Variants in ITGB8 observed in about 807,000 individuals in gnomAD.
ITGB8 encodes the protein integrin subunit beta 8.
Under a neutral mutation model 89.5 loss-of-function variants are expected in ITGB8, and 30 were observed. That is an observed-to-expected ratio of 0.34 (90% CI 0.25 to 0.45). The LOEUF (loss-of-function observed/expected upper bound fraction) is 0.45. Among genes scored for constraint, ITGB8 ranks in the 20% least tolerant of loss-of-function variants. The pLI, the probability that ITGB8 is intolerant of heterozygous loss-of-function variation, is 1.00. For synonymous variants in ITGB8, 335 were observed against 320.4 expected (o/e 1.05, Z -0.49); for missense variants, 836 against 933.3 (o/e 0.90, Z 1.36).
chr7:20,341,963 C>T (rs1583468000), intron 1 of ITGB8, among the ~76,000 whole-genome samples: 1 of 151,856 alleles, frequency 6.6e-6, no homozygotes, highest in East Asian at 1.9e-4. Flanking sequence ...TCAGCCAGAA[C>T]GATCATTGGA....
At chr7:20,391,882 T>C (rs1055687583) in intron 7 of ITGB8, among the ~76,000 whole-genome samples, 2 of 152,208 alleles carry the variant, frequency 1.3e-5, no homozygotes, top group African/African-American at 4.8e-5. Flanking sequence ...CATATCCTCA[T>C]AATAGGTTAA....
intron 1 of ITGB8, among the ~76,000 whole-genome samples, chr7:20,359,166 C>T (rs1430398741): frequency 6.6e-6 from 1 of 152,028 alleles, no homozygotes; most frequent in African/African-American, 2.4e-5. Flanking sequence ...AGCACTAAGG[C>T]AGTACATTTT....
At position 20,331,785 on chromosome 7, in the gene ITGB8, G is replaced by A. The variant is rs377161299; in HGVS notation, c.-22G>A. 1.9e-5 allele frequency: 31 copies of A among 1,604,158 alleles called. No individual in the cohort carries two copies. Among genetic ancestry groups the A allele is most frequent in the Non-Finnish European group, 2.6e-5 (30 of 1,175,658 alleles). ...TCCGGAAGGCAGTCAGGCGGCGGGCGCGGGGCGGGCTGTTTTGCATTATGT... is the reference window on the plus strand; with the variant it reads ...TCCGGAAGGCAGTCAGGCGGCGGGCACGGGGCGGGCTGTTTTGCATTATGT... On this transcript the variant is annotated 5_prime_UTR_variant, in exon 1 of 14. Coordinates refer to ENST00000222573, the MANE Select transcript of ITGB8 (RefSeq NM_002214.3).
chr7:20,372,710 T>C (rs1164612495), intron 3 of ITGB8, among the ~76,000 whole-genome samples: 1 of 152,152 alleles, frequency 6.6e-6, no homozygotes, highest in African/African-American at 2.4e-5. Context: ...TGGAGCTTGA[T>C]TTTATTAAAT....
intron 3 of ITGB8, among the ~76,000 whole-genome samples, chr7:20,378,655 A>T (rs1012460062): frequency 6.6e-6 from 1 of 152,084 alleles, no homozygotes; most frequent in African/African-American, 2.4e-5. Flanking sequence ...CCACACGTAC[A>T]TCCCCCTCAC....
At chr7:20,338,154 T>C (rs542944729) in intron 1 of ITGB8, among the ~76,000 whole-genome samples, 1 of 152,324 alleles carries the variant, frequency 6.6e-6, no homozygotes, top group African/African-American at 2.4e-5. Context: ...AATTCAGACC[T>C]AGCCTTCCAG....
At chr7:20,355,708 T>G (rs1785270165) in intron 1 of ITGB8, among the ~76,000 whole-genome samples, 1 of 152,200 alleles carries the variant, frequency 6.6e-6, no homozygotes, top group Admixed American at 6.5e-5. Flanking sequence ...TTGCTACAAG[T>G]TTGAAACAAA....
At chr7:20,359,618 T>C (rs1027102198) in intron 1 of ITGB8, among the ~76,000 whole-genome samples, 3 of 152,162 alleles carry the variant, frequency 2.0e-5, no homozygotes, top group African/African-American at 7.2e-5. Flanking sequence ...TAGAGATTTT[T>C]ACTTTCACAG....
At chr7:20,399,037 G>T in intron 9 of ITGB8, 43 bp downstream of exon 9, 1 of 1,581,644 alleles carries the variant, frequency 6.3e-7, no homozygotes, top group Non-Finnish European at 8.6e-7. Flanking sequence ...AAACTAAGTT[G>T]TTTGGCGTAC....
At chr7:20,359,416 T>C (rs1426248884) in intron 1 of ITGB8, among the ~76,000 whole-genome samples, 1 of 152,190 alleles carries the variant, frequency 6.6e-6, no homozygotes, top group Non-Finnish European at 1.5e-5. Flanking sequence ...AATCATAAAG[T>C]GGGAAAACCC....
At chr7:20,408,827 A>G (rs1179240372) in intron 12 of ITGB8, among the ~76,000 whole-genome samples, 1 of 152,114 alleles carries the variant, frequency 6.6e-6, no homozygotes, top group African/African-American at 2.4e-5. Flanking sequence ...GAGATCCAGC[A>G]TGCCCCTCCT....
rs74487765 is a variant in ITGB8 at position 20,375,526 on chromosome 7, A to C, written c.389-3525A>C. ...GATGGTAACAAAGTACATGAACAAA[A>C]AAACAACTGAAGCATCACCAGAATT... On this transcript the variant is annotated intron_variant, in intron 3 of 13. Coordinates refer to ENST00000222573, the MANE Select transcript of ITGB8 (RefSeq NM_002214.3). Among the ~76,000 whole-genome samples, 1,327 of 152,348 alleles carry C rather than the reference A, an allele frequency of 8.7e-3. 9 individuals are homozygous for C. The highest frequency in any genetic ancestry group is 0.013 in the Non-Finnish European group (884 of 68,040).
intron 1 of ITGB8, among the ~76,000 whole-genome samples, chr7:20,351,883 CTT>C (rs35467832): frequency 2.6e-4 from 40 of 151,748 alleles, no homozygotes; most frequent in African/African-American, 8.9e-4. Context: ...AATAACAGTG[CTT>C]TTTTTTTTAA....
At chr7:20,343,972 C>T (rs1784843010) in intron 1 of ITGB8, among the ~76,000 whole-genome samples, 1 of 152,176 alleles carries the variant, frequency 6.6e-6, no homozygotes, top group Admixed American at 6.5e-5. Flanking sequence ...CCTTTGATCA[C>T]ATTTGCAAAT....
chr7:20,336,400 A>G (rs1247497350), intron 1 of ITGB8, among the ~76,000 whole-genome samples: 3 of 152,208 alleles, frequency 2.0e-5, no homozygotes, highest in Non-Finnish European at 4.4e-5. Context: ...TGTGTAAACC[A>G]TGTCTCCACT....
rs141933396 is a variant in ITGB8 at position 20,401,796 on chromosome 7, A to G, written c.1357A>G (p.Ile453Val). ...AAAAAACTATGCAATAATCAAACCT[A>G]TTGGTTTTAATGAAACCGCTAAAAT... is the stretch of plus-strand genomic sequence containing the variant. ...GGKNYAIIKP[I>V]GFNETAKIHI... is the part of the protein sequence containing the mutation. The change falls in exon 10 of 14, where the codon ATT becomes GTT. Residue 453 changes from isoleucine (I) to valine (V), a missense_variant. Ile to Val is a conservative substitution (Grantham distance 29, BLOSUM62 3). This residue lies in a region of ITGB8 where 422 missense variants were observed against 416.9 expected (regional missense o/e 1.01). Transcript: ENST00000222573. 377 of 1,611,602 alleles carry G rather than the reference A, an allele frequency of 2.3e-4. No individual in the cohort carries two copies. Among genetic ancestry groups the G allele is most frequent in the Non-Finnish European group, 2.8e-4 (328 of 1,179,412 alleles).
At position 20,331,289 on chromosome 7, in the gene ITGB8, G is replaced by A. The variant is rs1057425740; in HGVS notation, c.-518G>A. ...TGGAAGCAACTGCGCTGATTGATGC[G>A]CCACAGACTTTTTTCCCCTCGACCT... On this transcript the variant is annotated 5_prime_UTR_variant, in exon 1 of 14. Coordinates refer to ENST00000222573, the MANE Select transcript of ITGB8 (RefSeq NM_002214.3). The A allele has an allele frequency of 2.8e-6, 1 of 352,566 alleles. No homozygotes were observed. The highest frequency in any genetic ancestry group is 5.1e-6 in the Non-Finnish European group (1 of 196,994). 21.8% of individuals were successfully genotyped at this position (352,566 alleles called of 1,614,324 possible).
chr7:20,401,890 A>G lies in ITGB8; in HGVS notation c.1451A>G (p.Glu484Gly), dbSNP rs772676164. The G allele has an allele frequency of 6.2e-7, 1 of 1,613,558 alleles. No homozygotes were observed. Among genetic ancestry groups the G allele is most frequent in the Non-Finnish European group, 8.5e-7 (1 of 1,179,820 alleles). ...GGACCTAAAGGAAAGTGTGTAGATGAAACTTTTCTAGATTCCAAGTGTTTC... is the reference window on the plus strand; with the variant it reads ...GGACCTAAAGGAAAGTGTGTAGATGGAACTTTTCTAGATTCCAAGTGTTTC... ...NRGPKGKCVD[E>G]TFLDSKCFQC... Residue 484 changes from glutamate (E) to glycine (G), a missense_variant, in exon 10 of 14, where the codon GAA becomes GGA. Physicochemically the swap from Glu to Gly is moderately conservative, Grantham distance 98. Around this residue, in one of 5 missense-constraint regions of ITGB8, gnomAD observed 422 missense variants for 416.9 expected, o/e 1.01. Transcript: ENST00000222573.
rs573853573 is a variant in ITGB8 at position 20,355,608 on chromosome 7, T to C, written c.128-8029T>C. Among the ~76,000 whole-genome samples the C allele has an allele frequency of 1.2e-4, 19 of 152,284 alleles. No homozygotes were observed. The East Asian group carries it at 2.7e-3, about 22-fold the overall frequency. ...TAAACATAAATACTATTGTAGGTTTTTCTAAGTGAAAGTAGAGGCAAAATT... is the reference window on the plus strand; with the variant it reads ...TAAACATAAATACTATTGTAGGTTTCTCTAAGTGAAAGTAGAGGCAAAATT... On this transcript the variant is annotated intron_variant, in intron 1 of 13. Transcript: ENST00000222573.
Sources: gnomAD v4.1 joint callset for allele counts (sites outside exome capture counted in the v4.1 genomes callset) on GRCh38, gnomAD v4.1.1 for gene constraint, gnomAD v4.1.1 regional missense constraint, MANE v1.5 for transcripts, NCBI Gene and HGNC (gene_info 2026-07-23, HGNC 2026-07-21) for gene names.